The following MYO3B variants were observed in gnomAD, a reference collection of about 807,000 sequenced individuals.
The protein encoded by MYO3B is myosin-IIIb.
MYO3B carries 156 observed loss-of-function variants against 174.6 expected under a neutral mutation model. The ratio of observed to expected loss-of-function variants is 0.89; its 90% CI spans 0.78 to 1.02. The LOEUF is 1.02. Ranked by LOEUF, MYO3B falls within the 50% of genes least tolerant of loss-of-function variation. The probability of loss-of-function intolerance (pLI) is 0.00; values close to 1 mark genes in which losing one functional copy is unlikely to be tolerated. For missense variants in MYO3B, 1,632 were observed against 1,639.4 expected (o/e 1.00, Z 0.08); for synonymous variants, 563 against 569.1 (o/e 0.99, Z 0.15).
At chr2:170,423,375 C>T (rs1299087126) in intron 22 of MYO3B, among the ~76,000 whole-genome samples, 7 of 152,138 alleles carry the variant, frequency 4.6e-5, no homozygotes. Flanking sequence ...TGCCTCATTC[C>T]TGCTCTCAAA....
intron 30 of MYO3B, among the ~76,000 whole-genome samples, chr2:170,530,088 CACA>C (rs1157441935): frequency 6.6e-6 from 1 of 152,148 alleles, no homozygotes; most frequent in Non-Finnish European, 1.5e-5. Flanking sequence ...GTAGTAATGC[CACA>C]ACATCTCCGT....
At chr2:170,285,547 G>C (rs2093549611) in intron 7 of MYO3B, among the ~76,000 whole-genome samples, 1 of 152,034 alleles carries the variant, frequency 6.6e-6, no homozygotes, top group Non-Finnish European at 1.5e-5. Context: ...TTTTTTAGTA[G>C]AGATGGTGTT....
intron 32 of MYO3B, among the ~76,000 whole-genome samples, chr2:170,630,132 C>G (rs570169781): frequency 6.6e-6 from 1 of 152,134 alleles, no homozygotes; most frequent in South Asian, 2.1e-4. Context: ...CACAAGGGAT[C>G]GGGGGATTTC....
intron 7 of MYO3B, among the ~76,000 whole-genome samples, chr2:170,289,405 G>A (rs2093580246): frequency 6.6e-6 from 1 of 151,980 alleles, no homozygotes; most frequent in Admixed American, 6.6e-5. Context: ...TATTGGTTTT[G>A]TGAGGTTTTC....
chr2:170,573,189 T>A (rs1236718018), intron 32 of MYO3B, among the ~76,000 whole-genome samples: 1 of 149,152 alleles, frequency 6.7e-6, no homozygotes, highest in Non-Finnish European at 1.5e-5. Flanking sequence ...CATATATATG[T>A]AGTAAACATA....
At chr2:170,240,271 A>T (rs533635024) in intron 7 of MYO3B, among the ~76,000 whole-genome samples, 46 of 152,306 alleles carry the variant, frequency 3.0e-4, no homozygotes, top group Middle Eastern at 3.4e-3. Context: ...TGAGAAACTA[A>T]TTTGCGGGCA....
chr2:170,431,100 T>G (rs1490281308), intron 22 of MYO3B, among the ~76,000 whole-genome samples: 1 of 152,196 alleles, frequency 6.6e-6, no homozygotes, highest in Non-Finnish European at 1.5e-5. Flanking sequence ...TTTATTGTAT[T>G]TTTAAATGGG....
intron 32 of MYO3B, among the ~76,000 whole-genome samples, chr2:170,590,986 G>A (rs1205325631): frequency 6.6e-6 from 1 of 152,150 alleles, no homozygotes; most frequent in Non-Finnish European, 1.5e-5. Flanking sequence ...ACAGACTTCT[G>A]CTAAAATGGG....
rs763995985 is a variant in MYO3B, at chr2:170,199,340, TA to T, written c.137del (p.Asn46ThrfsTer10). The T allele has an allele frequency of 6.2e-7, 1 of 1,613,254 alleles. No homozygotes were observed. Among genetic ancestry groups the T allele is most frequent in the South Asian group, 1.1e-5 (1 of 90,972 alleles). ...CCTATGGCAAAGTCTACAAGGTAAC[TA>T]ACAAGAGAGATGGGAGCCTGGCTGC... is the stretch of plus-strand genomic sequence containing the variant. ...GTYGKVYKVT[N>X]KRDGSLAAVK... On this transcript the variant is annotated frameshift_variant, in exon 2 of 35. Transcript: ENST00000408978. LOFTEE classifies it high-confidence loss of function.
chr2:170,534,343 G>A (rs773039584), intron 30 of MYO3B, among the ~76,000 whole-genome samples: 1 of 152,160 alleles, frequency 6.6e-6, no homozygotes, highest in Non-Finnish European at 1.5e-5. Flanking sequence ...TCACTTTATT[G>A]TGATATTTGC....
intron 7 of MYO3B, among the ~76,000 whole-genome samples, chr2:170,266,866 G>A (rs1157153778): frequency 6.6e-6 from 1 of 152,188 alleles, no homozygotes; most frequent in Non-Finnish European, 1.5e-5. Flanking sequence ...AGCTGAAAAT[G>A]ACCAAACTTG....
At chr2:170,621,521 T>TG (rs2105334314) in intron 32 of MYO3B, among the ~76,000 whole-genome samples, 1 of 151,516 alleles carries the variant, frequency 6.6e-6, no homozygotes, top group Non-Finnish European at 1.5e-5. Context: ...TTTTGTTTTT[T>TG]TGTTTTTGAG....
chr2:170,410,098 G>A (rs1478395708), intron 22 of MYO3B, among the ~76,000 whole-genome samples: 1 of 152,150 alleles, frequency 6.6e-6, no homozygotes, highest in Non-Finnish European at 1.5e-5. Context: ...CTTTGGAAAA[G>A]AATATGCTAA....
intron 8 of MYO3B, chr2:170,348,017 T>C (rs925072799): frequency 2.0e-5 from 3 of 152,164 alleles, no homozygotes; most frequent in African/African-American, 7.2e-5. Context: ...AGTAAAATAT[T>C]TTTGGCCAGG....
chr2:170,506,777 G>A (rs1418084419), intron 28 of MYO3B, among the ~76,000 whole-genome samples: 13 of 152,174 alleles, frequency 8.5e-5, no homozygotes, highest in Admixed American at 7.9e-4. Context: ...AAAAATGACT[G>A]TAGTAGATAT....
At chr2:170,190,629 C>T (rs1195184795) in intron 1 of MYO3B, among the ~76,000 whole-genome samples, 1 of 152,120 alleles carries the variant, frequency 6.6e-6, no homozygotes, top group Admixed American at 6.6e-5. Flanking sequence ...GTGGCCACCA[C>T]CCAGGCCATA....
intron 23 of MYO3B, among the ~76,000 whole-genome samples, chr2:170,453,258 A>G (rs992681625): frequency 6.6e-6 from 1 of 152,148 alleles, no homozygotes; most frequent in Non-Finnish European, 1.5e-5. Flanking sequence ...CCCACGTTCT[A>G]TCCTGTGGCA....
chr2:170,437,171 G>A (rs573223102), intron 22 of MYO3B, among the ~76,000 whole-genome samples: 1 of 152,134 alleles, frequency 6.6e-6, no homozygotes, highest in South Asian at 2.1e-4. Context: ...AAACTTCATT[G>A]GCCCCCAGGA....
intron 32 of MYO3B, among the ~76,000 whole-genome samples, chr2:170,557,457 G>A (rs1253218957): frequency 1.3e-5 from 2 of 152,186 alleles, no homozygotes; most frequent in African/African-American, 4.8e-5. Context: ...GAAAAACTCA[G>A]GTTGTCTGCT....
Sources: allele counts gnomAD v4.1 joint callset (sites outside exome capture counted in the v4.1 genomes callset), GRCh38; gene constraint gnomAD v4.1.1; transcripts MANE v1.5; gene names NCBI Gene and HGNC (gene_info 2026-07-23, HGNC 2026-07-21).